Variants in SUGCT observed in about 807,000 individuals in gnomAD.
The protein encoded by SUGCT is succinyl-CoA:glutarate-CoA transferase, also known as succinyl-CoA:glutarate CoA-transferase.
SUGCT carries 41 observed loss-of-function variants against 55.0 expected under a neutral mutation model. The observed-to-expected ratio is 0.74, with a 90% confidence interval of 0.58 to 0.97. The LOEUF is 0.97. Among genes scored for constraint, SUGCT ranks in the 50% least tolerant of loss-of-function variants. The probability of loss-of-function intolerance (pLI) is 0.00; values close to 1 mark genes in which losing one functional copy is unlikely to be tolerated. For synonymous variants in SUGCT, 187 were observed against 200.4 expected (o/e 0.93, Z 0.56); for missense variants, 568 against 547.8 (o/e 1.04, Z -0.37).
chr7:40,514,932 A>G (rs1793153504), intron 12 of SUGCT, among the ~76,000 whole-genome samples: 1 of 152,184 alleles, frequency 6.6e-6, no homozygotes, highest in Non-Finnish European at 1.5e-5. Context: ...TAAATGTGAA[A>G]TAATTTGATT....
Position 40,578,037 on chromosome 7 carries a change from G to A in SUGCT, c.1089+81651G>A, listed in dbSNP as rs908557042. Among the ~76,000 whole-genome samples the A allele has an allele frequency of 4.6e-5, 7 of 152,168 alleles. No homozygotes were observed. The East Asian group carries it at 1.4e-3, about 29-fold the overall frequency. ...TGCCCCCTTCTCTGTCTACACTGTAGACATAGATTTCTCCATTACTCTAAC... is the reference window on the plus strand; with the variant it reads ...TGCCCCCTTCTCTGTCTACACTGTAAACATAGATTTCTCCATTACTCTAAC... On this transcript the variant is annotated intron_variant, in intron 12 of 13. Transcript: ENST00000335693.
intron 12 of SUGCT, among the ~76,000 whole-genome samples, chr7:40,700,049 A>G (rs1240693777): frequency 6.6e-6 from 1 of 152,114 alleles, no homozygotes; most frequent in Non-Finnish European, 1.5e-5. Context: ...TGCTGTAGGC[A>G]GCTGCATGTG....
chr7:40,856,784 A>G (rs1267236839), intron 13 of SUGCT, among the ~76,000 whole-genome samples: 1 of 152,230 alleles, frequency 6.6e-6, no homozygotes, highest in Non-Finnish European at 1.5e-5. Flanking sequence ...GCGAACACTT[A>G]AAAGTCTTGA....
chr7:40,237,596 C>G lies in SUGCT; in HGVS notation c.485-39C>G, dbSNP rs777282023. On this transcript the variant is annotated intron_variant, in intron 6 of 13. Coordinates refer to ENST00000335693, the MANE Select transcript of SUGCT (RefSeq NM_001193313.2). The stretch of plus-strand genomic sequence containing the variant: ...ATATTGTACAGTGGTTTTAGCACAC[C>G]CTGTGTGGTGCTGAATATGTTTATT... 1.4e-5 allele frequency: 21 copies of G among 1,511,886 alleles called. No individual in the cohort carries two copies. The Admixed American group carries it at 3.2e-4, about 23-fold the overall frequency. The allele number at this position is 1,511,886 out of a possible 1,614,324, so 93.7% of individuals were successfully genotyped here.
intron 12 of SUGCT, among the ~76,000 whole-genome samples, chr7:40,737,844 A>C (rs939329292): frequency 6.6e-6 from 1 of 152,078 alleles, no homozygotes; most frequent in Non-Finnish European, 1.5e-5. Flanking sequence ...GAATCGCTAT[A>C]ACCCAGGAGG....
chr7:40,141,664 T>C (rs1285753661), intron 1 of SUGCT, among the ~76,000 whole-genome samples: 1 of 151,146 alleles, frequency 6.6e-6, no homozygotes, highest in Non-Finnish European at 1.5e-5. Context: ...AGTGTGCTTC[T>C]TATCACATTT....
intron 12 of SUGCT, among the ~76,000 whole-genome samples, chr7:40,619,397 G>C (rs1799158565): frequency 6.6e-6 from 1 of 152,086 alleles, no homozygotes; most frequent in Admixed American, 6.5e-5. Flanking sequence ...AAAATATTTT[G>C]TTTATTTTAC....
the SUGCT span, among the ~76,000 whole-genome samples, chr7:40,891,370 C>T: frequency 6.6e-6 from 1 of 151,920 alleles, no homozygotes; most frequent in African/African-American, 2.4e-5. Context: ...AATTAAATTC[C>T]CAAAAGTCAG....
intron 12 of SUGCT, among the ~76,000 whole-genome samples, chr7:40,524,482 A>G (rs1486136049): frequency 6.6e-6 from 1 of 152,102 alleles, no homozygotes; most frequent in Admixed American, 6.6e-5. Context: ...TTTTAAAAAC[A>G]TTTGACCACA....
the SUGCT span, among the ~76,000 whole-genome samples, chr7:40,899,804 C>T: frequency 0.075 from 11,361 of 152,188 alleles, 486 homozygotes; most frequent in Admixed American, 0.12. Flanking sequence ...AGCAGGGTGA[C>T]GCAAAGCTGG....
chr7:40,828,474 A>G (rs1267580602), intron 13 of SUGCT, among the ~76,000 whole-genome samples: 1 of 151,742 alleles, frequency 6.6e-6, no homozygotes, highest in East Asian at 2.0e-4. Flanking sequence ...GAGAGCTGGC[A>G]TATTGGGGCT....
At chr7:40,241,236 A>G (rs1260256917) in intron 7 of SUGCT, among the ~76,000 whole-genome samples, 1 of 152,102 alleles carries the variant, frequency 6.6e-6, no homozygotes, top group Non-Finnish European at 1.5e-5. Context: ...TTTTTTTCCT[A>G]TAGTGTTATA....
intron 12 of SUGCT, among the ~76,000 whole-genome samples, chr7:40,636,082 A>T (rs975535974): frequency 5.3e-5 from 8 of 152,236 alleles, no homozygotes; most frequent in Non-Finnish European, 1.2e-4. Flanking sequence ...CTATTGCTGC[A>T]TAACAAACTA....
intron 1 of SUGCT, among the ~76,000 whole-genome samples, chr7:40,150,923 G>A (rs1788532907): frequency 6.6e-6 from 1 of 152,058 alleles, no homozygotes; most frequent in Non-Finnish European, 1.5e-5. Context: ...CAGGAGAGAA[G>A]AGATGAAGAG....
chr7:40,899,352 G>A, the SUGCT span, among the ~76,000 whole-genome samples: 2 of 152,246 alleles, frequency 1.3e-5, no homozygotes, highest in East Asian at 3.9e-4. Flanking sequence ...TGGCACCTCG[G>A]TGGCTATAAA....
intron 12 of SUGCT, among the ~76,000 whole-genome samples, chr7:40,679,414 G>C (rs1784146265): frequency 6.6e-6 from 1 of 152,118 alleles, no homozygotes; most frequent in African/African-American, 2.4e-5. Flanking sequence ...AACACTTGCA[G>C]ATACATTACT....
At chr7:40,600,085 A>G (rs1258599013) in intron 12 of SUGCT, among the ~76,000 whole-genome samples, 1 of 152,168 alleles carries the variant, frequency 6.6e-6, no homozygotes, top group African/African-American at 2.4e-5. Flanking sequence ...GACTGGTACT[A>G]TGACCCATAC....
intron 12 of SUGCT, among the ~76,000 whole-genome samples, chr7:40,497,069 C>A (rs1467974089): frequency 6.6e-6 from 1 of 152,076 alleles, no homozygotes; most frequent in Non-Finnish European, 1.5e-5. Flanking sequence ...TTACTTCAAT[C>A]AAAAAACTAC....
chr7:40,379,468 A>G (rs778616303), intron 9 of SUGCT, among the ~76,000 whole-genome samples: 10 of 152,210 alleles, frequency 6.6e-5, no homozygotes, highest in Non-Finnish European at 1.2e-4. Context: ...TGAATATTAA[A>G]CATTTTAAAT....
Sources: gnomAD v4.1 joint callset for allele counts (sites outside exome capture counted in the v4.1 genomes callset) on GRCh38, gnomAD v4.1.1 for gene constraint, MANE v1.5 for transcripts, NCBI Gene and HGNC (gene_info 2026-07-23, HGNC 2026-07-21) for gene names.